Variants in ARCN1 observed in about 807,000 individuals in gnomAD.
ARCN1 encodes archain 1 coat protein complex I subunit delta.
ARCN1 carries 5 observed loss-of-function variants against 60.4 expected under a neutral mutation model. That is an observed-to-expected ratio of 0.08 (90% CI 0.04 to 0.17). The LOEUF is 0.17. Ranked by LOEUF, ARCN1 falls within the 10% of genes least tolerant of loss-of-function variation. The pLI is 1.00. For synonymous variants in ARCN1, 224 were observed against 220.0 expected, an observed-to-expected ratio of 1.02 and a Z score of -0.16; for missense variants, 464 against 626.5, an observed-to-expected ratio of 0.74 and a Z score of 2.77.
chr11:118,582,905 G>T (rs984215237), intron 2 of ARCN1, among the ~76,000 whole-genome samples: 1 of 151,882 alleles, frequency 6.6e-6, no homozygotes, highest in Non-Finnish European at 1.5e-5. Flanking sequence ...GCTGGGCGTG[G>T]TGGTACACAC....
intron 1 of ARCN1, among the ~76,000 whole-genome samples, chr11:118,577,022 A>G (rs1938531781): frequency 1.3e-5 from 2 of 151,920 alleles, no homozygotes; most frequent in African/African-American, 4.8e-5. Context: ...CTGTCTCTAC[A>G]GAAAAATACA....
chr11:118,585,412 A>G (rs1555075338), intron 5 of ARCN1, among the ~76,000 whole-genome samples: 1 of 152,122 alleles, frequency 6.6e-6, no homozygotes, highest in Non-Finnish European at 1.5e-5. Flanking sequence ...TTAGGGGACT[A>G]GAGCTATGGT....
At chr11:118,575,846 A>C (rs1196380740) in intron 1 of ARCN1, among the ~76,000 whole-genome samples, 1 of 152,190 alleles carries the variant, frequency 6.6e-6, no homozygotes, top group Non-Finnish European at 1.5e-5. Context: ...TTGCACACAC[A>C]ATTTGTTATG....
intron 1 of ARCN1, among the ~76,000 whole-genome samples, chr11:118,579,715 T>C (rs1350040205): frequency 1.3e-5 from 2 of 151,650 alleles, no homozygotes; most frequent in African/African-American, 4.8e-5. Context: ...GCAAAAATAG[T>C]CAAATATGTT....
intron 1 of ARCN1, among the ~76,000 whole-genome samples, chr11:118,574,222 G>C (rs571539952): frequency 2.2e-4 from 33 of 152,226 alleles, no homozygotes; most frequent in African/African-American, 6.3e-4. Context: ...GTGTACTCTG[G>C]AGAACAATTT....
intron 5 of ARCN1, among the ~76,000 whole-genome samples, chr11:118,585,459 T>C (rs1377913221): frequency 3.3e-5 from 5 of 152,246 alleles, no homozygotes; most frequent in Non-Finnish European, 2.9e-5. Context: ...TTTTTCTAAT[T>C]AAAGTCTAAG....
chr11:118,573,541 T>G, intron 1 of ARCN1: 2 of 542,216 alleles, frequency 3.7e-6, no homozygotes, highest in Non-Finnish European at 6.7e-6. Context: ...AGCTAGTAAT[T>G]TATTTTTCAG....
intron 2 of ARCN1, among the ~76,000 whole-genome samples, chr11:118,582,433 A>G (rs1938678534): frequency 2.0e-5 from 3 of 151,880 alleles, no homozygotes; most frequent in Admixed American, 2.0e-4. Flanking sequence ...CCCGGCTGTA[A>G]GAATCAGGGT....
chr11:118,574,485 C>T (rs1938435894), intron 1 of ARCN1, among the ~76,000 whole-genome samples: 1 of 152,076 alleles, frequency 6.6e-6, no homozygotes, highest in Non-Finnish European at 1.5e-5. Context: ...CAACTAGATT[C>T]TATAACTAAC....
chr11:118,574,204 A>G (rs1938427771), intron 1 of ARCN1, among the ~76,000 whole-genome samples: 1 of 152,262 alleles, frequency 6.6e-6, no homozygotes, highest in Middle Eastern at 3.4e-3. Flanking sequence ...CCAGATACCC[A>G]CAGATTTGTG....
intron 7 of ARCN1, 80 bp from the exon 8 acceptor site, chr11:118,593,510 G>T: frequency 1.1e-6 from 1 of 937,272 alleles, no homozygotes; most frequent in Non-Finnish European, 1.7e-6. Flanking sequence ...CCTCTAAAGC[G>T]CTGGGGTTAC....
chr11:118,593,848 G>T, intron 8 of ARCN1, 150 bp downstream of exon 8: 1 of 521,188 alleles, frequency 1.9e-6, no homozygotes, highest in Non-Finnish European at 3.5e-6. Flanking sequence ...ACAAAAGGCT[G>T]CATGTTATGT....
chr11:118,581,358 T>C lies in ARCN1; in HGVS notation c.116T>C (p.Leu39Pro). 6.2e-7 allele frequency: 1 copy of C among 1,614,086 alleles called. No individual in the cohort carries two copies. Among genetic ancestry groups the C allele is most frequent in the East Asian group, 2.2e-5 (1 of 44,900 alleles). The change falls in exon 2 of 10, where the codon CTC becomes CCC. Residue 39 changes from leucine to proline, a missense_variant. Leu to Pro is a moderately conservative substitution (Grantham distance 98). This residue lies in a region of ARCN1 where 105 missense variants were observed against 186.3 expected (regional missense o/e 0.56). Coordinates refer to ENST00000264028, the MANE Select transcript of ARCN1 (RefSeq NM_001655.5). ...IEGLLAAFPK[L>P]MNTGKQHTFV... Reference sequence around the variant, plus strand: ...GGCTTATTAGCAGCTTTTCCAAAGCTCATGAACACTGGAAAACAACATACG... The same window carrying C: ...GGCTTATTAGCAGCTTTTCCAAAGCCCATGAACACTGGAAAACAACATACG...
chr11:118,573,378 C>T (rs1480417112), intron 1 of ARCN1, among the ~76,000 whole-genome samples: 4 of 151,952 alleles, frequency 2.6e-5, no homozygotes, highest in Non-Finnish European at 4.4e-5. Context: ...CCTTCCCATG[C>T]GTTATCTTTG....
intron 7 of ARCN1, 69 bp downstream of exon 7, chr11:118,592,925 A>G (rs537547189): frequency 1.4e-6 from 2 of 1,434,290 alleles, no homozygotes; most frequent in South Asian, 3.1e-5. Context: ...TTGCTGGTAC[A>G]CTTTTATTTT....
intron 2 of ARCN1, among the ~76,000 whole-genome samples, chr11:118,582,231 C>T (rs1938673000): frequency 6.6e-6 from 1 of 152,082 alleles, no homozygotes; most frequent in African/African-American, 2.4e-5. Context: ...CAACCTCCAC[C>T]TCCCAGGTTC....
At chr11:118,584,801 A>G (rs529659830) in intron 5 of ARCN1, among the ~76,000 whole-genome samples, 157 bp downstream of exon 5, 2 of 151,994 alleles carry the variant, frequency 1.3e-5, no homozygotes, top group South Asian at 4.2e-4. Flanking sequence ...TTAACATAAG[A>G]TCGTTTTTGG....
intron 5 of ARCN1, among the ~76,000 whole-genome samples, chr11:118,589,199 CA>C (rs1938842278): frequency 6.6e-6 from 1 of 151,906 alleles, no homozygotes; most frequent in Non-Finnish European, 1.5e-5. Context: ...GAAAAAAAAT[CA>C]AATGTATAAC....
At chr11:118,596,634 T>C (rs1039653086) in intron 8 of ARCN1, among the ~76,000 whole-genome samples, 2 of 152,198 alleles carry the variant, frequency 1.3e-5, no homozygotes, top group African/African-American at 4.8e-5. Context: ...ATATAAACAT[T>C]GAGTGTCACT....
Sources: allele counts gnomAD v4.1 joint callset (sites outside exome capture counted in the v4.1 genomes callset), GRCh38; gene constraint gnomAD v4.1.1; regional missense constraint gnomAD v4.1.1; transcripts MANE v1.5; gene names NCBI Gene and HGNC (gene_info 2026-07-23, HGNC 2026-07-21).